Variants in FAT2 observed in about 807,000 individuals in gnomAD.
FAT2 encodes FAT atypical cadherin 2, also known as protocadherin Fat 2.
FAT2 carries 150 observed loss-of-function variants against 295.3 expected under a neutral mutation model. That is an observed-to-expected ratio of 0.51 (90% CI 0.44 to 0.58). FAT2 has a LOEUF of 0.58. Among genes scored for constraint, FAT2 ranks in the 20% least tolerant of loss-of-function variants. The pLI, the probability that FAT2 is intolerant of heterozygous loss-of-function variation, is 0.00. For missense variants in FAT2, 4,868 were observed against 5,442.7 expected, an observed-to-expected ratio of 0.89 and a Z score of 3.32; for synonymous variants, 2,026 against 2,150.3, an observed-to-expected ratio of 0.94 and a Z score of 1.60.
chr5:151,517,708 C>G lies in FAT2; in HGVS notation c.11375G>C (p.Arg3792Pro), dbSNP rs200068080. ...CAGATAGAAATGGATGTGCCAGTTC[C>G]GAGCCGCTGGGGCCCTGTACCGCAC... ...SYVRYRAPAA[R>P]NWHIHFYLKT... Residue 3792 changes from arginine (R) to proline (P), a missense_variant, in exon 20 of 24, where the codon CGG (arginine) becomes CCG (proline). Physicochemically the swap from Arg to Pro is moderately radical, Grantham distance 103 (BLOSUM62 -2). Coordinates refer to ENST00000261800, the MANE Select transcript of FAT2 (RefSeq NM_001447.3). 1.2e-6 allele frequency: 2 copies of G among 1,614,146 alleles called. No homozygotes were observed. Among genetic ancestry groups the G allele is most frequent in the South Asian group, 2.2e-5 (2 of 91,072 alleles).
intron 18 of FAT2, among the ~76,000 whole-genome samples, chr5:151,522,807 G>A (rs1016766274): frequency 5.9e-5 from 9 of 152,170 alleles, no homozygotes; most frequent in Non-Finnish European, 1.2e-4. Context: ...CAGCACAGAC[G>A]GGGTCACTGG....
At chr5:151,511,406 G>T (rs1761313937) in intron 21 of FAT2, 1 of 152,238 alleles carries the variant, frequency 6.6e-6, no homozygotes, top group African/African-American at 2.4e-5. Flanking sequence ...CATGCTGAGA[G>T]CAATGTATCC....
chr5:151,546,189 C>G lies in FAT2; in HGVS notation c.4938G>C (p.Val1646=), dbSNP rs2127614313. The G allele has an allele frequency of 6.2e-7, 1 of 1,614,172 alleles. No individual in the cohort carries two copies. The highest frequency in any genetic ancestry group is 1.3e-5 in the African/African-American group (1 of 75,054). Residue 1646 remains valine (V), a synonymous_variant, in exon 10 of 24, where the codon GTG becomes GTC. Coordinates refer to ENST00000261800, the MANE Select transcript of FAT2 (RefSeq NM_001447.3). ...TATCTGAGGGATAGACATGAATGAT[C>G]ACTGTAGCCAGGTCATGCCATTGTG... The part of the protein sequence containing the change: ...GSPQWHDLAT[V]IIHVYPSDRS...
At chr5:151,593,019 G>T (rs1313609011), upstream of FAT2, among the ~76,000 whole-genome samples, 1 of 152,344 alleles carries the variant, frequency 6.6e-6, no homozygotes, top group South Asian at 2.1e-4. Context: ...TGTTGCTCAA[G>T]ATGTCCAGAG....
chr5:151,509,727 T>C (rs1389729751), intron 22 of FAT2: 2 of 294,216 alleles, frequency 6.8e-6, no homozygotes, highest in Non-Finnish European at 1.3e-5. Context: ...TACTTCATTA[T>C]ATATTACAAT....
intron 3 of FAT2, among the ~76,000 whole-genome samples, chr5:151,558,060 A>G (rs1277171123): frequency 1.3e-5 from 2 of 152,176 alleles, no homozygotes; most frequent in East Asian, 3.9e-4. Flanking sequence ...GAATTCGGTG[A>G]CCTTTAACAT....
chr5:151,573,098 T>A (rs1337561036), intron 1 of FAT2, among the ~76,000 whole-genome samples: 1 of 152,216 alleles, frequency 6.6e-6, no homozygotes, highest in Non-Finnish European at 1.5e-5. Context: ...TGCCTCCATG[T>A]AACTCCCAGC....
At chr5:151,588,780 T>C (rs1390125338) in intron 1 of FAT2, among the ~76,000 whole-genome samples, 1 of 152,182 alleles carries the variant, frequency 6.6e-6, no homozygotes, top group Admixed American at 6.5e-5. Flanking sequence ...ATACCCACTC[T>C]AGGAGGAAGA....
Position 151,512,109 on chromosome 5 carries a change from A to G in FAT2, c.11905+56T>C, listed in dbSNP as rs1761369521. The G allele has an allele frequency of 1.3e-6, 2 of 1,535,280 alleles. No homozygotes were observed. Among genetic ancestry groups the G allele is most frequent in the Non-Finnish European group, 1.8e-6 (2 of 1,127,974 alleles). On this transcript the variant is annotated intron_variant, in intron 21 of 23. Coordinates refer to ENST00000261800, the MANE Select transcript of FAT2 (RefSeq NM_001447.3). This position sits in a 1 kb window ranked among gnomAD's most constrained non-coding sequence, Gnocchi z 4.1. ...ATCTCCACCCTGACATGCTTTTCCC[A>G]CCTGAAGAGCCTTCTGGGATAAACC...
Position 151,542,818 on chromosome 5 carries a change from T to G in FAT2, c.8309A>C (p.His2770Pro). The G allele has an allele frequency of 6.2e-7, 1 of 1,614,236 alleles. No individual in the cohort carries two copies. Among genetic ancestry groups the G allele is most frequent in the Non-Finnish European group, 8.5e-7 (1 of 1,180,040 alleles). The part of the protein sequence containing the change: ...TKLYQIDVMA[H>P]CLQNTDVVSL... ...CACCACATCAGTGTTCTGAAGGCAA[T>G]GTGCCATCACATCAATCTGGTACAA... Residue 2770 changes from histidine (H) to proline (P), a missense_variant, in exon 10 of 24, where the codon CAT (histidine) becomes CCT (proline). Transcript: ENST00000261800.
Position 151,549,475 on chromosome 5 carries a change from T to G in FAT2, c.4609A>C (p.Asn1537His). 1 of 1,614,144 alleles carries G rather than the reference T, an allele frequency of 6.2e-7. No homozygotes were observed. The highest frequency in any genetic ancestry group is 8.5e-7 in the Non-Finnish European group (1 of 1,180,038). The change falls in exon 9 of 24, where the codon AAC becomes CAC. Residue 1537 changes from asparagine (N) to histidine (H), a missense_variant. Around this residue, in one of 5 missense-constraint regions of FAT2, gnomAD observed 3,297 missense variants for 3,669.4 expected, o/e 0.90. Coordinates refer to ENST00000261800, the MANE Select transcript of FAT2 (RefSeq NM_001447.3). ...ACATGAATGGTCACCCACACGAAGT[T>G]CCTCTTGATAGGTATTTCCTGGTCT... ...VRDQEIPIKRNFVWVTIHVED... is the reference protein window; with the variant it reads ...VRDQEIPIKRHFVWVTIHVED...
At chr5:151,547,832 G>A (rs1756793049) in intron 9 of FAT2, among the ~76,000 whole-genome samples, 1 of 152,156 alleles carries the variant, frequency 6.6e-6, no homozygotes, top group South Asian at 2.1e-4. Flanking sequence ...CATAGGGGAA[G>A]ATAAGAGGGA....
At position 151,558,609 on chromosome 5, in the gene FAT2, T is replaced by TA. The variant is rs58125941; in HGVS notation, c.3575-2208dup. 2.3e-3 allele frequency among the ~76,000 whole-genome samples: 330 copies of TA among 144,248 alleles called. 2 individuals carry two copies. The highest frequency in any genetic ancestry group is 0.011 in the East Asian group (57 of 5,030). The allele number at this position is 144,248 out of a possible 152,430, so 94.6% of individuals were successfully genotyped here. A position where few individuals can be genotyped will look rare whatever the true frequency, so the allele number is the denominator to read the frequency against. On this transcript the variant is annotated intron_variant, in intron 3 of 23. Coordinates refer to ENST00000261800, the MANE Select transcript of FAT2 (RefSeq NM_001447.3). ...CCTGGGCAACAGAGCGAGACTCCTT[T>TA]AAAAAAAAAAAAGCAGCTTGTCAGG... is the stretch of plus-strand genomic sequence containing the variant.
intron 19 of FAT2, among the ~76,000 whole-genome samples, chr5:151,518,599 G>A (rs565572586): frequency 2.0e-5 from 3 of 152,114 alleles, no homozygotes; most frequent in Admixed American, 6.6e-5. Flanking sequence ...AATAAAATGC[G>A]GCTGAGAGGT....
chr5:151,522,675 G>A (rs756903484), intron 18 of FAT2, among the ~76,000 whole-genome samples: 27 of 152,334 alleles, frequency 1.8e-4, no homozygotes, highest in Middle Eastern at 6.8e-3. Flanking sequence ...CTTTGATCAG[G>A]TAGAAGAGAA....
chr5:151,553,403 C>T lies in FAT2; in HGVS notation c.3946-16G>A, dbSNP rs754581753. ...TTGCCTTGATCTGAAAGGAGGCCAACACCAAAACTGAGGTTTGGGGCCAAG... is the reference window on the plus strand; with the variant it reads ...TTGCCTTGATCTGAAAGGAGGCCAATACCAAAACTGAGGTTTGGGGCCAAG... On this transcript the variant is annotated splice_polypyrimidine_tract_variant and intron_variant, in intron 5 of 23. Coordinates refer to ENST00000261800, the MANE Select transcript of FAT2 (RefSeq NM_001447.3). 5.6e-6 allele frequency: 9 copies of T among 1,612,492 alleles called. No homozygotes were observed. Among genetic ancestry groups the T allele is most frequent in the Non-Finnish European group, 6.8e-6 (8 of 1,179,090 alleles).
chr5:151,518,591 T>C (rs1357570391), intron 19 of FAT2, among the ~76,000 whole-genome samples: 1 of 152,050 alleles, frequency 6.6e-6, no homozygotes, highest in Non-Finnish European at 1.5e-5. Flanking sequence ...AGGTAAACAA[T>C]AAAATGCGGC....
intron 2 of FAT2, 39 bp from the exon 3 acceptor site, chr5:151,563,678 G>C (rs760826089): frequency 6.4e-7 from 1 of 1,560,738 alleles, no homozygotes. Flanking sequence ...ATACTTTAGA[G>C]CTCAAAGTGG....
intron 15 of FAT2, 87 bp from the exon 16 acceptor site, chr5:151,528,220 A>G: frequency 6.6e-7 from 1 of 1,511,470 alleles, no homozygotes; most frequent in East Asian, 2.3e-5. Context: ...TCCCTGCCCC[A>G]GTGACTGCCT....
Sources: allele counts gnomAD v4.1 joint callset (sites outside exome capture counted in the v4.1 genomes callset), GRCh38; gene constraint gnomAD v4.1.1; regional missense constraint gnomAD v4.1.1; non-coding constraint Gnocchi (gnomAD v3.1); transcripts MANE v1.5; gene names NCBI Gene and HGNC (gene_info 2026-07-23, HGNC 2026-07-21).